The following PPWD1 variants were observed in gnomAD, a reference collection of about 807,000 sequenced individuals.
The protein encoded by PPWD1 is peptidylprolyl isomerase domain and WD repeat containing 1.
PPWD1 carries 43 observed loss-of-function variants against 68.8 expected under a neutral mutation model. That is an observed-to-expected ratio of 0.62 (90% CI 0.49 to 0.81). PPWD1 has a LOEUF of 0.81. Ranked by LOEUF, PPWD1 falls within the 30% of genes least tolerant of loss-of-function variation. The probability of loss-of-function intolerance (pLI) is 0.00; values close to 1 mark genes in which losing one functional copy is unlikely to be tolerated. For synonymous variants in PPWD1, 232 were observed against 258.7 expected (o/e 0.90, Z 0.99); for missense variants, 672 against 804.8 (o/e 0.83, Z 2.00).
intron 6 of PPWD1, among the ~76,000 whole-genome samples, chr5:65,578,819 C>CT (rs1179550865): frequency 2.3e-5 from 3 of 131,446 alleles, no homozygotes; most frequent in Admixed American, 7.5e-5. Context: ...TATATATATA[C>CT]TTTTTTTTAA....
At position 65,569,972 on chromosome 5, in the gene PPWD1, T is replaced by C. The variant is rs1752946020; in HGVS notation, c.495T>C (p.Phe165=). ...KAMKVFDVVN[F]DMINMLKLGY... is the part of the protein sequence containing the mutation. ...TGAAGGTGTTTGATGTAGTGAACTTTGACATGATCAACATGCTGAAACTTG... is the reference window on the plus strand; with the variant it reads ...TGAAGGTGTTTGATGTAGTGAACTTCGACATGATCAACATGCTGAAACTTG... Residue 165 remains phenylalanine (F), a synonymous_variant, in exon 4 of 11, where the codon TTT becomes TTC. Transcript: ENST00000261308. 4 of 1,611,796 alleles carry C rather than the reference T, an allele frequency of 2.5e-6. No individual in the cohort carries two copies. The highest frequency in any genetic ancestry group is 1.3e-5 in the African/African-American group (1 of 74,996).
intron 6 of PPWD1, among the ~76,000 whole-genome samples, chr5:65,579,059 G>A (rs1753471423): frequency 6.6e-6 from 1 of 151,938 alleles, no homozygotes; most frequent in African/African-American, 2.4e-5. Flanking sequence ...GGGATTACAG[G>A]TGCCTGCCAC....
intron 5 of PPWD1, chr5:65,576,305 G>A: frequency 1.0e-6 from 1 of 984,138 alleles, no homozygotes; most frequent in Non-Finnish European, 1.2e-6. Context: ...TGTAGAGAAA[G>A]CAGTAGTTCT....
intron 5 of PPWD1, among the ~76,000 whole-genome samples, chr5:65,574,195 A>G (rs1753169036): frequency 6.6e-6 from 1 of 152,188 alleles, no homozygotes; most frequent in Non-Finnish European, 1.5e-5. Context: ...CTGAAGTAAT[A>G]TATTTCCAGA....
At chr5:65,573,477 T>TATATATATATATA (rs1561725705) in intron 5 of PPWD1, among the ~76,000 whole-genome samples, 14 of 20,156 alleles carry the variant, frequency 6.9e-4, no homozygotes, top group East Asian at 1.2e-3. Flanking sequence ...ATATATATAT[T>TATATATATATATA]TTTTTTTTAT....
At chr5:65,565,107 C>T (rs1752680006) in intron 1 of PPWD1, among the ~76,000 whole-genome samples, 1 of 152,180 alleles carries the variant, frequency 6.6e-6, no homozygotes, top group South Asian at 2.1e-4. Flanking sequence ...TTAAATGTTT[C>T]CATAGTAACC....
At chr5:65,578,230 A>G (rs1173262605) in intron 6 of PPWD1, among the ~76,000 whole-genome samples, 2 of 152,176 alleles carry the variant, frequency 1.3e-5, no homozygotes, top group African/African-American at 2.4e-5. Context: ...ACCACAGTTG[A>G]TCCATTCACG....
intron 6 of PPWD1, among the ~76,000 whole-genome samples, chr5:65,577,854 C>T (rs1251459485): frequency 6.6e-6 from 1 of 152,174 alleles, no homozygotes; most frequent in African/African-American, 2.4e-5. Flanking sequence ...CAGAGTGGTC[C>T]ATTTGTTCCA....
Position 65,563,612 on chromosome 5 carries a change from A to G in PPWD1, c.196+106A>G, listed in dbSNP as rs1752439472. ...ATGATGTGTGGAGTTTTGTGCCCTC[A>G]GAACAGAGGGCCGTCCTCTCACTTC... On this transcript the variant is annotated intron_variant, in intron 1 of 10. Coordinates refer to ENST00000261308, the MANE Select transcript of PPWD1 (RefSeq NM_015342.4). 18 of 1,420,002 alleles carry G rather than the reference A, an allele frequency of 1.3e-5. No homozygotes were observed. In the South Asian group the frequency reaches 2.3e-4, roughly 18 times the overall value. The allele number at this position is 1,420,002 out of a possible 1,614,324, so 88.0% of individuals were successfully genotyped here.
chr5:65,586,628 T>A (rs1217718737), intron 10 of PPWD1, among the ~76,000 whole-genome samples: 1 of 152,176 alleles, frequency 6.6e-6, no homozygotes, highest in Non-Finnish European at 1.5e-5. Flanking sequence ...TCTATTGCTA[T>A]GCCATAACAC....
At chr5:65,567,479 A>G (rs1366951044) in intron 1 of PPWD1, 34 bp from the exon 2 acceptor site, 2 of 1,569,788 alleles carry the variant, frequency 1.3e-6, no homozygotes, top group Admixed American at 1.8e-5. Flanking sequence ...TATTTGTTAA[A>G]AATAGATCTT....
chr5:65,565,568 C>G (rs538706544), intron 1 of PPWD1, among the ~76,000 whole-genome samples: 18 of 152,084 alleles, frequency 1.2e-4, no homozygotes, highest in African/African-American at 4.1e-4. Flanking sequence ...CTTTGGGAGG[C>G]TGAGGCGGGC....
chr5:65,586,465 T>C (rs529208529), intron 10 of PPWD1, among the ~76,000 whole-genome samples: 1 of 152,134 alleles, frequency 6.6e-6, no homozygotes, highest in Non-Finnish European at 1.5e-5. Context: ...CTAAAATAAA[T>C]TATTTCACTT....
chr5:65,584,359 G>A (rs1241513794), intron 8 of PPWD1, among the ~76,000 whole-genome samples: 5 of 152,094 alleles, frequency 3.3e-5, no homozygotes, highest in African/African-American at 4.8e-5. Context: ...ATAATTTTCA[G>A]TTAATATTAT....
chr5:65,579,263 A>C (rs1753485606), intron 6 of PPWD1, 161 bp from the exon 7 acceptor site: 6 of 1,181,674 alleles, frequency 5.1e-6, no homozygotes. Context: ...TACCAGTTTA[A>C]ATTGATACCT....
chr5:65,566,713 C>T (rs1316911711), intron 1 of PPWD1, among the ~76,000 whole-genome samples: 1 of 151,196 alleles, frequency 6.6e-6, no homozygotes, highest in Non-Finnish European at 1.5e-5. Context: ...TCCCTCCTTC[C>T]TTCCCTTCTT....
intron 1 of PPWD1, 151 bp from the exon 2 acceptor site, chr5:65,567,362 A>T (rs891864945): frequency 8.3e-7 from 1 of 1,201,402 alleles, no homozygotes; most frequent in Non-Finnish European, 1.1e-6. Context: ...CTGAGATAAC[A>T]TACTGGATTT....
At position 65,563,442 on chromosome 5, in the gene PPWD1, G is replaced by A. The variant is rs1752406989; in HGVS notation, c.132G>A (p.Glu44=). ...VAVAVSQEND[E]ENEERWVGPL... is the part of the protein sequence containing the mutation. The stretch of plus-strand genomic sequence containing the variant: ...TGGCGGTGTCCCAGGAGAACGATGA[G>A]GAGAACGAAGAGCGCTGGGTTGGAC... The change falls in exon 1 of 11, where the codon GAG becomes GAA. Residue 44 remains glutamate (E), a synonymous_variant. Coordinates refer to ENST00000261308, the MANE Select transcript of PPWD1 (RefSeq NM_015342.4). The A allele has an allele frequency of 3.1e-6, 5 of 1,613,990 alleles. No homozygotes were observed. Among genetic ancestry groups the A allele is most frequent in the Non-Finnish European group, 4.2e-6 (5 of 1,179,996 alleles).
Position 65,573,532 on chromosome 5 carries a change from T to A in PPWD1, c.969+1246T>A, listed in dbSNP as rs1204793705. On this transcript the variant is annotated intron_variant, in intron 5 of 10. Transcript: ENST00000261308. ...GTACAGATGGTTTTTTTTTTTTTTTTTTTTTTTTTTTTTTTTTTTTTAAGT... is the reference window on the plus strand; with the variant it reads ...GTACAGATGGTTTTTTTTTTTTTTTATTTTTTTTTTTTTTTTTTTTTAAGT... Among the ~76,000 whole-genome samples the A allele has an allele frequency of 7.9e-5, 6 of 75,692 alleles. 1 individual carries two copies. The highest frequency in any genetic ancestry group is 3.7e-4 in the African/African-American group (6 of 16,038). The allele number at this position is 75,692 out of a possible 152,430, so 49.7% of individuals were successfully genotyped here.
Sources: allele counts gnomAD v4.1 joint callset (sites outside exome capture counted in the v4.1 genomes callset), GRCh38; gene constraint gnomAD v4.1.1; transcripts MANE v1.5; gene names NCBI Gene and HGNC (gene_info 2026-07-23, HGNC 2026-07-21).